APPBP2: variants seen among roughly 807,000 people sequenced by gnomAD.
APPBP2 encodes amyloid protein-binding protein 2.
APPBP2 carries 15 observed loss-of-function variants against 76.0 expected under a neutral mutation model. That is an observed-to-expected ratio of 0.20 (90% CI 0.13 to 0.30). The LOEUF (loss-of-function observed/expected upper bound fraction) is 0.30, where lower values mean the gene tolerates loss of function less well. Ranked by LOEUF, APPBP2 falls within the 10% of genes least tolerant of loss-of-function variation. APPBP2 has a pLI of 1.00. For synonymous variants in APPBP2, 222 were observed against 242.2 expected (o/e 0.92, Z 0.77); for missense variants, 401 against 687.2 (o/e 0.58, Z 4.66).
chr17:60,495,019 CTG>C (rs1434533264), intron 2 of APPBP2, among the ~76,000 whole-genome samples: 1 of 139,368 alleles, frequency 7.2e-6, no homozygotes, highest in African/African-American at 2.5e-5. Context: ...GAGTCTCACT[CTG>C]TTATCCAGGC....
rs181520497 is a variant in APPBP2, at chr17:60,472,972, T to C, written c.503+6176A>G. 5.3e-5 allele frequency among the ~76,000 whole-genome samples: 8 copies of C among 152,354 alleles called. No homozygotes were observed. In the East Asian group the frequency reaches 1.5e-3, roughly 29 times the overall value. ...ACTTTTATCCTGAATTCTTCCTTAT[T>C]GTTAGTATTATTGTTTTGGGGTGTT... On this transcript the variant is annotated intron_variant, in intron 4 of 12. Coordinates refer to ENST00000083182, the MANE Select transcript of APPBP2 (RefSeq NM_006380.5).
At position 60,501,553 on chromosome 17, in the gene APPBP2, T is replaced by C. The variant is rs536152026; in HGVS notation, c.139-1066A>G. Among the ~76,000 whole-genome samples, 7 of 152,148 alleles carry C rather than the reference T, an allele frequency of 4.6e-5. No homozygotes were observed. In the South Asian group the frequency reaches 1.0e-3, roughly 23 times the overall value. Reference sequence around the variant, plus strand: ...CTAGGATTACAGGCATGCATCACCATGCCTAATTTTTTTTTTGTATTTTTA... The same window carrying C: ...CTAGGATTACAGGCATGCATCACCACGCCTAATTTTTTTTTTGTATTTTTA... On this transcript the variant is annotated intron_variant, in intron 1 of 12. Transcript: ENST00000083182.
rs2090511750 is a variant in APPBP2 at position 60,466,410 on chromosome 17, T to C, written c.553A>G (p.Thr185Ala). 1 of 1,613,750 alleles carries C rather than the reference T, an allele frequency of 6.2e-7. No homozygotes were observed. The highest frequency in any genetic ancestry group is 8.5e-7 in the Non-Finnish European group (1 of 1,179,998). The change falls in exon 5 of 13, where the codon ACA becomes GCA. Residue 185 changes from threonine to alanine, a missense_variant. Thr to Ala is a moderately conservative substitution (Grantham distance 58, BLOSUM62 0). Coordinates refer to ENST00000083182, the MANE Select transcript of APPBP2 (RefSeq NM_006380.5). ...GNCKYHLGEETFKLAQTYMDK... is the reference protein window; with the variant it reads ...GNCKYHLGEEAFKLAQTYMDK... ...ATATATGTCTGAGCTAATTTAAATG[T>C]TTCTTCACCCAAATGATATTTGCAG...
At chr17:60,454,768 C>T (rs112121684) in intron 10 of APPBP2, among the ~76,000 whole-genome samples, 249 of 152,270 alleles carry the variant, frequency 1.6e-3, no homozygotes, top group African/African-American at 5.8e-3. Flanking sequence ...GACTGCTATA[C>T]TTTGCTGATG....
At chr17:60,484,891 T>C (rs932275391) in intron 3 of APPBP2, among the ~76,000 whole-genome samples, 1 of 152,200 alleles carries the variant, frequency 6.6e-6, no homozygotes, top group African/African-American at 2.4e-5. Context: ...TATTTTGAGT[T>C]ACATTCCATA....
intron 1 of APPBP2, among the ~76,000 whole-genome samples, chr17:60,524,507 T>A (rs908983440): frequency 6.7e-6 from 1 of 149,382 alleles, no homozygotes; most frequent in Admixed American, 6.7e-5. Flanking sequence ...ATGACCTAAA[T>A]GAATCTTCTC....
Position 60,461,922 on chromosome 17 carries a change from A to G in APPBP2, c.831-7T>C, listed in dbSNP as rs1179016564. On this transcript the variant is annotated splice_polypyrimidine_tract_variant and splice_region_variant and intron_variant, in intron 7 of 12. Coordinates refer to ENST00000083182, the MANE Select transcript of APPBP2 (RefSeq NM_006380.5). ...TTTGGATCCAAAATGATCCCTATAA[A>G]AAGACACAAAATTATTAGGATATAA... 1.2e-6 allele frequency: 2 copies of G among 1,610,684 alleles called. No homozygotes were observed. The highest frequency in any genetic ancestry group is 2.7e-5 in the African/African-American group (2 of 74,810).
At chr17:60,513,121 C>T in intron 1 of APPBP2, 1 of 266,960 alleles carries the variant, frequency 3.7e-6, no homozygotes, top group Non-Finnish European at 7.1e-6. Flanking sequence ...TGAAACCCAG[C>T]GAGCTCGGAA....
chr17:60,505,123 TTAA>T (rs2143465625), intron 1 of APPBP2, among the ~76,000 whole-genome samples: 1 of 152,340 alleles, frequency 6.6e-6, no homozygotes, highest in African/African-American at 2.4e-5. Flanking sequence ...TGGTATAGGA[TTAA>T]TATCTCAAAT....
chr17:60,505,678 T>TTG (rs1260782644), intron 1 of APPBP2, among the ~76,000 whole-genome samples: 3 of 118,096 alleles, frequency 2.5e-5, no homozygotes, highest in African/African-American at 1.2e-4. Flanking sequence ...CCCCTGCGGT[T>TTG]TTTTTTTTTT....
intron 1 of APPBP2, among the ~76,000 whole-genome samples, chr17:60,517,080 A>G (rs1405927722): frequency 6.6e-6 from 1 of 152,060 alleles, no homozygotes; most frequent in Non-Finnish European, 1.5e-5. Flanking sequence ...GGTTCAAGCA[A>G]TTCTCCTGCC....
intron 9 of APPBP2, 110 bp downstream of exon 9, chr17:60,460,553 A>G (rs2090469027): frequency 2.8e-6 from 3 of 1,085,900 alleles, no homozygotes; most frequent in Non-Finnish European, 3.8e-6. Context: ...TTCAATCCAT[A>G]AAGTATATCA....
chr17:60,483,693 G>A (rs931940210), intron 3 of APPBP2, among the ~76,000 whole-genome samples: 2 of 152,104 alleles, frequency 1.3e-5, no homozygotes, highest in African/African-American at 2.4e-5. Context: ...GCACCTAGCC[G>A]ATGGTAGTTT....
In APPBP2 at chr17:60,446,594, T is replaced by A. The variant is rs1386750814; in HGVS notation, c.*987A>T. ...ATATACTTGTTAACTGCATTGATTA[T>A]TAGGGCAACATTTAAAATGAGGGGG... On this transcript the variant is annotated 3_prime_UTR_variant, in exon 13 of 13. Transcript: ENST00000083182. The A allele has an allele frequency of 6.6e-6, 1 of 152,216 alleles. No individual in the cohort carries two copies. The highest frequency in any genetic ancestry group is 2.4e-5 in the African/African-American group (1 of 41,466). The allele number at this position is 152,216 out of a possible 1,614,324, so 9.4% of individuals were successfully genotyped here. A position where few individuals can be genotyped will look rare whatever the true frequency, so the allele number is the denominator to read the frequency against.
chr17:60,514,015 A>AC (rs1307210209), intron 1 of APPBP2, among the ~76,000 whole-genome samples: 2 of 149,894 alleles, frequency 1.3e-5, no homozygotes, highest in Non-Finnish European at 1.5e-5. Flanking sequence ...AAAAAAAAAA[A>AC]AAAACACAGC....
At chr17:60,515,602 G>A (rs1041839692) in intron 1 of APPBP2, among the ~76,000 whole-genome samples, 5 of 152,128 alleles carry the variant, frequency 3.3e-5, no homozygotes, top group African/African-American at 7.2e-5. Context: ...CAAGAATAGC[G>A]TCTCCTAACT....
At chr17:60,482,845 G>T (rs1369344752) in intron 3 of APPBP2, among the ~76,000 whole-genome samples, 2 of 152,164 alleles carry the variant, frequency 1.3e-5, no homozygotes, top group African/African-American at 2.4e-5. Context: ...ATGGACATTT[G>T]GGTTGGTTCC....
chr17:60,468,246 C>G (rs58483560), intron 4 of APPBP2, among the ~76,000 whole-genome samples: 12,475 of 152,064 alleles, frequency 0.082, 1,697 homozygotes, highest in African/African-American at 0.28. Flanking sequence ...TGGCTACACT[C>G]TGGCTATAGC....
intron 11 of APPBP2, 32 bp from the exon 12 acceptor site, chr17:60,452,077 T>C (rs781410508): frequency 4.4e-6 from 7 of 1,604,184 alleles, no homozygotes; most frequent in Non-Finnish European, 5.9e-6. Context: ...TCAATCATTA[T>C]ACTTTTTCTC....
Sources: gnomAD v4.1 joint callset for allele counts (sites outside exome capture counted in the v4.1 genomes callset) on GRCh38, gnomAD v4.1.1 for gene constraint, MANE v1.5 for transcripts, NCBI Gene and HGNC (gene_info 2026-07-23, HGNC 2026-07-21) for gene names.